PABPC1L: variants seen among roughly 807,000 people sequenced by gnomAD.
PABPC1L encodes poly(A) binding protein cytoplasmic 1 like, also known as polyadenylate-binding protein 1-like.
Under a neutral mutation model 66.6 loss-of-function variants are expected in PABPC1L, and 31 were observed. The ratio of observed to expected loss-of-function variants is 0.47; its 90% CI spans 0.35 to 0.63. PABPC1L has a LOEUF of 0.63. Among genes scored for constraint, PABPC1L ranks in the 20% least tolerant of loss-of-function variants. The probability of loss-of-function intolerance (pLI) is 0.00; values close to 1 mark genes in which losing one functional copy is unlikely to be tolerated. For missense variants in PABPC1L, 722 were observed against 848.8 expected (o/e 0.85, Z 1.86); for synonymous variants, 348 against 335.1 (o/e 1.04, Z -0.42).
chr20:44,912,417 T>C (rs1180572207), intron 1 of PABPC1L, among the ~76,000 whole-genome samples: 1 of 151,842 alleles, frequency 6.6e-6, no homozygotes, highest in African/African-American at 2.4e-5. Context: ...CTGCAGGGAG[T>C]TGGTTGAATG....
chr20:44,911,485 CAAAA>C (rs921132842), intron 1 of PABPC1L, among the ~76,000 whole-genome samples: 3 of 152,016 alleles, frequency 2.0e-5, no homozygotes, highest in Non-Finnish European at 2.9e-5. Flanking sequence ...AAACAACAAA[CAAAA>C]AAGAAACAAC....
chr20:44,921,794 T>G, intron 6 of PABPC1L, 63 bp downstream of exon 6: 1 of 1,597,076 alleles, frequency 6.3e-7, no homozygotes, highest in Middle Eastern at 2.0e-4. Context: ...TCGGGGGCCC[T>G]GAGTGGTGAC....
rs186768312 is a variant in PABPC1L at position 44,931,171 on chromosome 20, C to T, written c.1239+445C>T. Among the ~76,000 whole-genome samples the T allele has an allele frequency of 5.6e-5, 8 of 142,818 alleles. No individual in the cohort carries two copies. The East Asian group carries it at 8.1e-4, about 14-fold the overall frequency. The allele number at this position is 142,818 out of a possible 152,430, so 93.7% of individuals were successfully genotyped here. A position where few individuals can be genotyped will look rare whatever the true frequency, so the allele number is the denominator to read the frequency against. Reference sequence around the variant, plus strand: ...CGTGATCATGGCTCCTTCCTTCTTCCCTCCCTTCCTCCCTTCCTCCCTTCC... The same window carrying T: ...CGTGATCATGGCTCCTTCCTTCTTCTCTCCCTTCCTCCCTTCCTCCCTTCC... On this transcript the variant is annotated intron_variant, in intron 8 of 14. Coordinates refer to ENST00000217073, the MANE Select transcript of PABPC1L (RefSeq NM_001372179.1).
chr20:44,911,391 G>A (rs573395289), intron 1 of PABPC1L, among the ~76,000 whole-genome samples: 1 of 152,190 alleles, frequency 6.6e-6, no homozygotes, highest in Non-Finnish European at 1.5e-5. Context: ...TTGAATCCGG[G>A]AGGCAGAGGT....
At chr20:44,928,044 A>G (rs1482206744) in intron 7 of PABPC1L, among the ~76,000 whole-genome samples, 1 of 152,142 alleles carries the variant, frequency 6.6e-6, no homozygotes, top group East Asian at 1.9e-4. Context: ...ACTAAAGTGA[A>G]AGCAGTATGT....
At chr20:44,927,592 A>G (rs1024651036) in intron 7 of PABPC1L, among the ~76,000 whole-genome samples, 6 of 149,918 alleles carry the variant, frequency 4.0e-5, no homozygotes, top group Non-Finnish European at 8.9e-5. Flanking sequence ...CAGGTGATCC[A>G]CCTGCCTCAG....
At chr20:44,937,771 C>G in intron 12 of PABPC1L, 1 of 359,766 alleles carries the variant, frequency 2.8e-6, no homozygotes, top group South Asian at 3.9e-5. Context: ...GTTAGTAGTT[C>G]TCTGTAAACA....
chr20:44,934,141 G>A (rs933925096), intron 10 of PABPC1L, among the ~76,000 whole-genome samples: 7 of 152,186 alleles, frequency 4.6e-5, no homozygotes, highest in African/African-American at 1.7e-4. Flanking sequence ...AAACAAGGGT[G>A]TAGGTTTTGG....
At chr20:44,910,394 C>T (rs1187894814) in intron 1 of PABPC1L, 58 bp downstream of exon 1, 1 of 1,436,624 alleles carries the variant, frequency 7.0e-7, no homozygotes. Flanking sequence ...GGCGGACAGA[C>T]AGAAGCCGGA....
intron 12 of PABPC1L, chr20:44,937,222 C>A (rs2066908177): frequency 2.9e-6 from 1 of 343,378 alleles, no homozygotes; most frequent in African/African-American, 2.2e-5. Context: ...TTCATCTTCA[C>A]CCCTAGTGTC....
At position 44,911,653 on chromosome 20, in the gene PABPC1L, G is replaced by A. The variant is rs2066705738; in HGVS notation, c.194-1007G>A. ...GGTTTGCTAGGGAAGGGGTTGTTCC[G>A]CCGGGCCTGTTCCCCGCCCCTTACT... On this transcript the variant is annotated intron_variant, in intron 1 of 14. Transcript: ENST00000217073. Among the ~76,000 whole-genome samples the A allele has an allele frequency of 2.6e-5, 4 of 152,246 alleles. No homozygotes were observed. The South Asian group carries it at 6.2e-4, about 24-fold the overall frequency.
intron 5 of PABPC1L, among the ~76,000 whole-genome samples, chr20:44,921,230 A>G (rs1385681115): frequency 2.7e-5 from 4 of 146,680 alleles, no homozygotes; most frequent in Non-Finnish European, 6.0e-5. Flanking sequence ...GCTCACCGCA[A>G]CCTCCACCTC....
At position 44,937,141 on chromosome 20, in the gene PABPC1L, C is replaced by T. The variant is rs77088517; in HGVS notation, c.1660+411C>T. On this transcript the variant is annotated intron_variant, in intron 12 of 14. Coordinates refer to ENST00000217073, the MANE Select transcript of PABPC1L (RefSeq NM_001372179.1). ...GTTCACCAGTTTCCAGTGCTCAATG[C>T]GGGCAGGTGGGGCATCTGTGCGTTT... 1.2e-3 allele frequency: 432 copies of T among 374,298 alleles called. 3 individuals carry two copies. Among genetic ancestry groups the T allele is most frequent in the Middle Eastern group, 0.01 (17 of 1,680 alleles). The allele number at this position is 374,298 out of a possible 1,614,324, so 23.2% of individuals were successfully genotyped here.
intron 12 of PABPC1L, 117 bp downstream of exon 12, chr20:44,936,847 C>T (rs566524461): frequency 2.8e-5 from 30 of 1,076,092 alleles, no homozygotes; most frequent in South Asian, 2.2e-4. Flanking sequence ...GCTTTGTCAC[C>T]GACCCCCCTA....
intron 12 of PABPC1L, 95 bp downstream of exon 12, chr20:44,936,825 G>A (rs1391271943): frequency 1.5e-6 from 2 of 1,303,340 alleles, no homozygotes; most frequent in African/African-American, 1.5e-5. Flanking sequence ...TCCAACGTGA[G>A]GTCAAATTCC....
chr20:44,928,047 C>G (rs1294033182), intron 7 of PABPC1L, among the ~76,000 whole-genome samples: 1 of 152,022 alleles, frequency 6.6e-6, no homozygotes, highest in Non-Finnish European at 1.5e-5. Context: ...AAAGTGAAAG[C>G]AGTATGTGCT....
chr20:44,932,969 C>T, intron 9 of PABPC1L, 88 bp from the exon 10 acceptor site: 2 of 791,460 alleles, frequency 2.5e-6, no homozygotes, highest in Non-Finnish European at 4.1e-6. Flanking sequence ...TCTTGGTGGC[C>T]CTGGAAGCTT....
intron 7 of PABPC1L, 75 bp downstream of exon 7, chr20:44,924,331 C>T (rs2066794264): frequency 8.5e-7 from 1 of 1,180,578 alleles, no homozygotes; most frequent in Non-Finnish European, 1.3e-6. Flanking sequence ...CAACCCCACC[C>T]CTCCACCCTC....
In PABPC1L at chr20:44,916,928, A is replaced by G. The variant is rs560825079; in HGVS notation, c.503+57A>G. On this transcript the variant is annotated intron_variant, in intron 3 of 14. Transcript: ENST00000217073. ...GCTGCAGGGACAGAAGCATGGCACC[A>G]CCGACTAGGAATCGATGCTACCCTC... 1.5e-5 allele frequency: 23 copies of G among 1,515,234 alleles called. No individual in the cohort carries two copies. In the African/African-American group the frequency reaches 2.2e-4, roughly 14 times the overall value. The allele number at this position is 1,515,234 out of a possible 1,614,324, so 93.9% of individuals were successfully genotyped here. A position where few individuals can be genotyped will look rare whatever the true frequency, so the allele number is the denominator to read the frequency against.
Sources: allele counts gnomAD v4.1 joint callset (sites outside exome capture counted in the v4.1 genomes callset), GRCh38; gene constraint gnomAD v4.1.1; transcripts MANE v1.5; gene names NCBI Gene and HGNC (gene_info 2026-07-23, HGNC 2026-07-21).